Variants in PRCC observed in about 807,000 individuals in gnomAD.
PRCC encodes proline-rich protein PRCC.
In PRCC, 10 loss-of-function variants were observed where a neutral mutation model predicts 44.0. The observed-to-expected ratio is 0.23, with a 90% confidence interval of 0.14 to 0.39. The LOEUF (loss-of-function observed/expected upper bound fraction) is 0.39, where lower values mean the gene tolerates loss of function less well. Ranked by LOEUF, PRCC falls within the 10% of genes least tolerant of loss-of-function variation. The pLI is 1.00. For missense variants in PRCC, 573 were observed against 624.7 expected (o/e 0.92, Z 0.88); for synonymous variants, 278 against 259.5 (o/e 1.07, Z -0.69).
At chr1:156,790,877 A>C (rs997456940) in intron 3 of PRCC, among the ~76,000 whole-genome samples, 1 of 152,374 alleles carries the variant, frequency 6.6e-6, no homozygotes, top group African/African-American at 2.4e-5. Context: ...TATGTAGTGA[A>C]TATTAAACCT....
At chr1:156,779,768 G>T (rs765155847) in intron 1 of PRCC, among the ~76,000 whole-genome samples, 3 of 140,608 alleles carry the variant, frequency 2.1e-5, no homozygotes, top group African/African-American at 3.2e-5. Context: ...TATTAGAGGT[G>T]GGGGGGTCTC....
At chr1:156,795,478 C>T (rs1652633450) in intron 5 of PRCC, among the ~76,000 whole-genome samples, 1 of 151,880 alleles carries the variant, frequency 6.6e-6, no homozygotes, top group African/African-American at 2.4e-5. Flanking sequence ...TGGAGTTTCA[C>T]TATATTGTCC....
intron 1 of PRCC, among the ~76,000 whole-genome samples, chr1:156,770,270 C>T (rs1184899311): frequency 6.6e-6 from 1 of 152,198 alleles, no homozygotes; most frequent in East Asian, 1.9e-4. Context: ...GGTTGAGTTT[C>T]CCATTTTTGT....
chr1:156,784,221 A>G (rs1260471494), intron 2 of PRCC, among the ~76,000 whole-genome samples: 1 of 152,190 alleles, frequency 6.6e-6, no homozygotes, highest in Non-Finnish European at 1.5e-5. Context: ...TACTGAAATT[A>G]TAGGCGTGAG....
chr1:156,788,084 T>C (rs1478603333), intron 3 of PRCC, among the ~76,000 whole-genome samples: 1 of 152,114 alleles, frequency 6.6e-6, no homozygotes, highest in East Asian at 1.9e-4. Context: ...GATCTGCCCG[T>C]TGCAGCCTCC....
intron 6 of PRCC, among the ~76,000 whole-genome samples, chr1:156,798,096 A>G (rs4661219): frequency 0.1 from 15,440 of 152,126 alleles, 993 homozygotes; most frequent in African/African-American, 0.18. Flanking sequence ...GGTGTGTGCC[A>G]TCACACCCAG....
Position 156,768,208 on chromosome 1 carries a change from A to T in PRCC, c.437A>T (p.Lys146Met). The T allele has an allele frequency of 6.5e-7, 1 of 1,545,842 alleles. No homozygotes were observed. The highest frequency in any genetic ancestry group is 8.7e-7 in the Non-Finnish European group (1 of 1,147,316). The change falls in exon 1 of 7, where the codon AAG becomes ATG. Residue 146 changes from lysine (K) to methionine (M), a missense_variant. Coordinates refer to ENST00000271526, the MANE Select transcript of PRCC (RefSeq NM_005973.5). ...PKPKKRKEPV[K>M]IAAPELHKGD... ...CCAAAGAAGAGGAAAGAGCCCGTGA[A>T]GATCGCGGCGCCGGAGTTGCATAAG...
intron 2 of PRCC, among the ~76,000 whole-genome samples, chr1:156,785,108 A>G: frequency 6.6e-6 from 1 of 152,182 alleles, no homozygotes; most frequent in Non-Finnish European, 1.5e-5. Context: ...AAAAGCAGTA[A>G]TGTCTTAGAT....
intron 4 of PRCC, among the ~76,000 whole-genome samples, chr1:156,793,997 G>A (rs964788931): frequency 4.3e-5 from 5 of 117,070 alleles, no homozygotes; most frequent in Middle Eastern, 6.0e-3. Flanking sequence ...CACTCTTCCC[G>A]CCCAGGCTGG....
chr1:156,800,632 A>G lies in PRCC; in HGVS notation c.*172A>G, dbSNP rs1652804326. 1 of 642,072 alleles carries G rather than the reference A, an allele frequency of 1.6e-6. No individual in the cohort carries two copies. The highest frequency in any genetic ancestry group is 2.7e-6 in the Non-Finnish European group (1 of 373,074). 39.8% of individuals were successfully genotyped at this position (642,072 alleles called of 1,614,324 possible). A position where few individuals can be genotyped will look rare whatever the true frequency, so the allele number is the denominator to read the frequency against. On this transcript the variant is annotated 3_prime_UTR_variant, in exon 7 of 7. Coordinates refer to ENST00000271526, the MANE Select transcript of PRCC (RefSeq NM_005973.5). ...ATAGATTTTTCTTAACAAGTTAGAA[A>G]ATTCAGCTCCTTTCTGTCCTGGAGC... is the stretch of plus-strand genomic sequence containing the variant.
At chr1:156,786,024 C>A (rs1558051015) in intron 2 of PRCC, among the ~76,000 whole-genome samples, 1 of 152,118 alleles carries the variant, frequency 6.6e-6, no homozygotes, top group Non-Finnish European at 1.5e-5. Flanking sequence ...GTTGGTCAGG[C>A]TGGTCTCAAA....
chr1:156,799,408 G>A (rs1174416809), intron 6 of PRCC, among the ~76,000 whole-genome samples: 4 of 152,120 alleles, frequency 2.6e-5, no homozygotes, highest in African/African-American at 9.7e-5. Context: ...CTCATGTTAA[G>A]GGTCAACTGT....
intron 2 of PRCC, among the ~76,000 whole-genome samples, chr1:156,783,117 T>A (rs1213578573): frequency 6.6e-6 from 1 of 152,136 alleles, no homozygotes; most frequent in Admixed American, 6.6e-5. Context: ...TTGGTCAGGC[T>A]GGTCTCAAAC....
chr1:156,787,215 A>C, intron 3 of PRCC, 41 bp downstream of exon 3: 1 of 1,550,288 alleles, frequency 6.5e-7, no homozygotes, highest in Non-Finnish European at 8.7e-7. Context: ...GAATGTTGGA[A>C]CATGGTGGTC....
rs1259845730 is a variant in PRCC at position 156,767,707 on chromosome 1, C to A, written c.-65C>A. 3.4e-6 allele frequency: 5 copies of A among 1,475,410 alleles called. No individual in the cohort carries two copies. In the African/African-American group the frequency reaches 7.1e-5, roughly 21 times the overall value. 91.4% of individuals were successfully genotyped at this position (1,475,410 alleles called of 1,614,324 possible). On this transcript the variant is annotated 5_prime_UTR_variant, in exon 1 of 7. Transcript: ENST00000271526. ...CAGGTGGCGGGGCCTACTAGGCCTC[C>A]GGGCATCCCCGGTCTCAAGTAGGCC...
intron 4 of PRCC, among the ~76,000 whole-genome samples, chr1:156,792,904 T>C: frequency 6.6e-6 from 1 of 152,342 alleles, no homozygotes; most frequent in African/African-American, 2.4e-5. Context: ...AATACCGTTG[T>C]GTTTCACATA....
intron 2 of PRCC, among the ~76,000 whole-genome samples, chr1:156,784,463 G>A (rs1346569102): frequency 7.2e-5 from 11 of 152,340 alleles, no homozygotes; most frequent in Non-Finnish European, 1.6e-4. Context: ...TTAAGGCAGA[G>A]TGGGGACTTA....
At chr1:156,781,516 C>T (rs1216795785) in intron 1 of PRCC, among the ~76,000 whole-genome samples, 1 of 152,188 alleles carries the variant, frequency 6.6e-6, no homozygotes, top group Non-Finnish European at 1.5e-5. Flanking sequence ...GCTTGCTATT[C>T]ATATGCCTTG....
chr1:156,782,140 C>T (rs1202721836), intron 1 of PRCC, 142 bp from the exon 2 acceptor site: 5 of 610,164 alleles, frequency 8.2e-6, no homozygotes, highest in Non-Finnish European at 1.4e-5. Flanking sequence ...TTGACTGGGC[C>T]TGGGGTGAGT....
Sources: gnomAD v4.1 joint callset for allele counts (sites outside exome capture counted in the v4.1 genomes callset) on GRCh38, gnomAD v4.1.1 for gene constraint, MANE v1.5 for transcripts, NCBI Gene and HGNC (gene_info 2026-07-23, HGNC 2026-07-21) for gene names.